MAGI2: variants seen among roughly 807,000 people sequenced by gnomAD.
The protein encoded by MAGI2 is membrane-associated guanylate kinase, WW and PDZ domain-containing protein 2.
Under a neutral mutation model 133.3 loss-of-function variants are expected in MAGI2, and 35 were observed. That is an observed-to-expected ratio of 0.26 (90% CI 0.20 to 0.35). The LOEUF is 0.35. Ranked by LOEUF, MAGI2 falls within the 10% of genes least tolerant of loss-of-function variation. The pLI is 1.00. For missense variants in MAGI2, 1,636 were observed against 1,863.4 expected (o/e 0.88, Z 2.25); for synonymous variants, 729 against 710.6 (o/e 1.03, Z -0.41).
intron 3 of MAGI2, among the ~76,000 whole-genome samples, chr7:78,575,001 A>G (rs1802118462): frequency 6.6e-6 from 1 of 152,130 alleles, no homozygotes; most frequent in East Asian, 1.9e-4. Context: ...TCTCATCCTC[A>G]TCCTGTAAAC....
intron 7 of MAGI2, among the ~76,000 whole-genome samples, chr7:78,366,530 T>A (rs546282310): frequency 6.6e-6 from 1 of 152,246 alleles, no homozygotes; most frequent in South Asian, 2.1e-4. Flanking sequence ...ATATACCTTG[T>A]GAAAATAATA....
chr7:78,058,532 C>A (rs1232575880), intron 21 of MAGI2, among the ~76,000 whole-genome samples: 5 of 148,648 alleles, frequency 3.4e-5, no homozygotes, highest in African/African-American at 1.3e-4. Context: ...TGTGCAATGG[C>A]GTGATCTCGG....
At chr7:78,538,705 T>C (rs34285321) in intron 3 of MAGI2, among the ~76,000 whole-genome samples, 59,370 of 152,052 alleles carry the variant, frequency 0.39, 12,521 homozygotes, top group South Asian at 0.6. Flanking sequence ...TATCTGAAAC[T>C]TCACTGAATT....
At chr7:78,884,838 T>G (rs764421040) in intron 2 of MAGI2, among the ~76,000 whole-genome samples, 1 of 151,280 alleles carries the variant, frequency 6.6e-6, no homozygotes, top group Non-Finnish European at 1.5e-5. Context: ...CAAACAAAAA[T>G]AAGTGTTTCT....
At chr7:78,566,153 C>G (rs2150752278) in intron 3 of MAGI2, among the ~76,000 whole-genome samples, 1 of 152,248 alleles carries the variant, frequency 6.6e-6, no homozygotes, top group South Asian at 2.1e-4. Context: ...GTTCCTTTAT[C>G]TTATGCCTCA....
intron 3 of MAGI2, among the ~76,000 whole-genome samples, chr7:78,584,934 T>G (rs992510400): frequency 1.3e-5 from 2 of 152,194 alleles, no homozygotes; most frequent in Non-Finnish European, 2.9e-5. Flanking sequence ...AGGATTTAAA[T>G]GAGACTGAAA....
intron 1 of MAGI2, among the ~76,000 whole-genome samples, chr7:79,013,298 G>A (rs1021586643): frequency 2.0e-5 from 3 of 152,076 alleles, no homozygotes; most frequent in Non-Finnish European, 2.9e-5. Context: ...AATTATTCAG[G>A]AATCTTACAT....
At chr7:79,354,380 C>G (rs1444930727) in intron 1 of MAGI2, 1 of 152,474 alleles carries the variant, frequency 6.6e-6, no homozygotes, top group African/African-American at 2.4e-5. Flanking sequence ...CTGTTCCCCT[C>G]ACAACACCCT....
intron 10 of MAGI2, among the ~76,000 whole-genome samples, chr7:78,223,742 T>TC (rs899715823): frequency 2.0e-4 from 30 of 152,280 alleles, no homozygotes; most frequent in South Asian, 6.2e-4. Context: ...CCCTTTTTTT[T>TC]CACAATGAAA....
chr7:78,415,578 T>C (rs1041938290), intron 6 of MAGI2, among the ~76,000 whole-genome samples: 1 of 152,086 alleles, frequency 6.6e-6, no homozygotes, highest in African/African-American at 2.4e-5. Context: ...ATATTTTCTC[T>C]GCTCCCATTT....
chr7:79,043,165 T>C (rs1811830387), intron 1 of MAGI2, among the ~76,000 whole-genome samples: 1 of 152,006 alleles, frequency 6.6e-6, no homozygotes, highest in Non-Finnish European at 1.5e-5. Context: ...ACATCGCATC[T>C]AGAGGAACTA....
chr7:78,857,681 C>T (rs569603881), intron 2 of MAGI2, among the ~76,000 whole-genome samples: 7 of 152,136 alleles, frequency 4.6e-5, no homozygotes, highest in South Asian at 2.1e-4. Context: ...ATATTTACAT[C>T]GATGTTCATC....
chr7:78,953,228 T>G (rs1217201705), intron 2 of MAGI2, among the ~76,000 whole-genome samples: 1 of 152,180 alleles, frequency 6.6e-6, no homozygotes, highest in East Asian at 1.9e-4. Context: ...ATTTTCTTTC[T>G]GATCTACTTA....
chr7:78,632,827 C>T (rs150982123), intron 2 of MAGI2, among the ~76,000 whole-genome samples: 1 of 152,186 alleles, frequency 6.6e-6, no homozygotes, highest in African/African-American at 2.4e-5. Flanking sequence ...TTGTGGAAAG[C>T]AGTATGGCAA....
At chr7:78,948,396 C>A (rs941506453) in intron 2 of MAGI2, among the ~76,000 whole-genome samples, 1 of 151,826 alleles carries the variant, frequency 6.6e-6, no homozygotes, top group African/African-American at 2.4e-5. Flanking sequence ...TTTCAGATAG[C>A]TTTTCAGATT....
At chr7:79,394,128 C>T (rs1187387606) in intron 1 of MAGI2, among the ~76,000 whole-genome samples, 2 of 152,014 alleles carry the variant, frequency 1.3e-5, no homozygotes, top group South Asian at 2.1e-4. Context: ...GGAAGTAGCC[C>T]GGCACCTCAC....
At chr7:78,130,892 C>T (rs1467499035) in intron 18 of MAGI2, among the ~76,000 whole-genome samples, 1 of 152,120 alleles carries the variant, frequency 6.6e-6, no homozygotes, top group Non-Finnish European at 1.5e-5. Context: ...ACAAGGTATC[C>T]CAGTTGTGAG....
At chr7:78,308,468 A>T (rs1364203403) in intron 9 of MAGI2, among the ~76,000 whole-genome samples, 1 of 152,140 alleles carries the variant, frequency 6.6e-6, no homozygotes, top group Non-Finnish European at 1.5e-5. Flanking sequence ...GCTTAGAGCA[A>T]GAGAATACAT....
At chr7:78,257,129 C>T (rs1793071091) in intron 9 of MAGI2, among the ~76,000 whole-genome samples, 1 of 151,986 alleles carries the variant, frequency 6.6e-6, no homozygotes, top group South Asian at 2.1e-4. Context: ...TATATGCGAG[C>T]AAAGGTCAAG....
Sources: allele counts gnomAD v4.1 joint callset (sites outside exome capture counted in the v4.1 genomes callset), GRCh38; gene constraint gnomAD v4.1.1; transcripts MANE v1.5; gene names NCBI Gene and HGNC (gene_info 2026-07-23, HGNC 2026-07-21).